KYNU: variants seen among roughly 807,000 people sequenced by gnomAD.
The protein encoded by KYNU is L-kynurenine hydrolase.
Under a neutral mutation model 59.2 loss-of-function variants are expected in KYNU, and 54 were observed. That is an observed-to-expected ratio of 0.91 (90% CI 0.73 to 1.14). KYNU has a LOEUF of 1.14. Among genes scored for constraint, KYNU ranks in the 50% most tolerant of loss-of-function variants. KYNU has a pLI of 0.00. For synonymous variants in KYNU, 177 were observed against 192.0 expected (o/e 0.92, Z 0.65); for missense variants, 567 against 554.4 (o/e 1.02, Z -0.23).
chr2:143,012,071 A>G (rs1558974648), intron 10 of KYNU, among the ~76,000 whole-genome samples: 1 of 151,822 alleles, frequency 6.6e-6, no homozygotes, highest in Non-Finnish European at 1.5e-5. Context: ...AATAAAAAAA[A>G]AAAAAAAGAA....
chr2:143,035,923 C>G (rs1686881848), intron 12 of KYNU, among the ~76,000 whole-genome samples: 1 of 152,122 alleles, frequency 6.6e-6, no homozygotes, highest in Non-Finnish European at 1.5e-5. Flanking sequence ...CAAGAGTGCA[C>G]CACCATGCCC....
rs758488765 is a variant in KYNU, at chr2:143,040,572, G to T, written c.1186G>T (p.Val396Leu). 5.0e-6 allele frequency: 8 copies of T among 1,612,900 alleles called. No individual in the cohort carries two copies. Among genetic ancestry groups the T allele is most frequent in the Middle Eastern group, 1.6e-4 (1 of 6,080 alleles). The change falls in exon 13 of 14, where the codon GTA (valine) becomes TTA (leucine). Residue 396 changes from valine to leucine, a missense_variant. By Grantham distance (32) the Val-to-Leu change is conservative. Transcript: ENST00000264170. ...TGTGAACATAATTACTCCGTCTCATGTAGAGGAGCGGGGGTGCCAGCTAAC... is the reference window on the plus strand; with the variant it reads ...TGTGAACATAATTACTCCGTCTCATTTAGAGGAGCGGGGGTGCCAGCTAAC... The part of the protein sequence containing the change: ...PVVNIITPSH[V>L]EERGCQLTIT...
At chr2:142,955,305 G>T (rs1275122011) in intron 5 of KYNU, among the ~76,000 whole-genome samples, 2 of 151,982 alleles carry the variant, frequency 1.3e-5, no homozygotes, top group African/African-American at 4.8e-5. Flanking sequence ...TTAAAAAGAG[G>T]TCTAGTACCT....
intron 3 of KYNU, 115 bp downstream of exon 3, chr2:142,918,844 T>C: frequency 1.6e-6 from 2 of 1,214,734 alleles, no homozygotes; most frequent in South Asian, 1.3e-5. Context: ...CAGTCATCCC[T>C]TGGCATCTGT....
chr2:142,919,198 T>C (rs1259379044), intron 3 of KYNU, among the ~76,000 whole-genome samples: 1 of 152,226 alleles, frequency 6.6e-6, no homozygotes, highest in East Asian at 1.9e-4. Context: ...CTCATTTGAT[T>C]GATGAAATAA....
intron 1 of KYNU, among the ~76,000 whole-genome samples, 164 bp downstream of exon 1, chr2:142,877,900 A>G (rs1681151937): frequency 6.6e-6 from 1 of 152,158 alleles, no homozygotes. Context: ...TAAAAATGGT[A>G]TGACCTTCCT....
chr2:142,937,617 T>C (rs1450303233), intron 4 of KYNU, among the ~76,000 whole-genome samples: 3 of 152,134 alleles, frequency 2.0e-5, no homozygotes, highest in Non-Finnish European at 4.4e-5. Context: ...GGTTGGAAGA[T>C]TTGTGGACAG....
chr2:142,969,259 A>C (rs1402291426), intron 8 of KYNU, among the ~76,000 whole-genome samples: 1 of 152,198 alleles, frequency 6.6e-6, no homozygotes, highest in Non-Finnish European at 1.5e-5. Flanking sequence ...TATACTTGAC[A>C]CATTTTCAGG....
chr2:142,881,769 G>A (rs910554877), intron 1 of KYNU, among the ~76,000 whole-genome samples: 2 of 151,842 alleles, frequency 1.3e-5, no homozygotes, highest in Admixed American at 6.6e-5. Flanking sequence ...TTTTTAAACA[G>A]TCATGCTCTG....
Position 143,030,359 on chromosome 2 carries a change from C to A in KYNU, c.955+680C>A, listed in dbSNP as rs540002675. Among the ~76,000 whole-genome samples, 6 of 152,330 alleles carry A rather than the reference C, an allele frequency of 3.9e-5. No individual in the cohort carries two copies. The South Asian group carries it at 1.2e-3, about 32-fold the overall frequency. On this transcript the variant is annotated intron_variant, in intron 11 of 13. Coordinates refer to ENST00000264170, the MANE Select transcript of KYNU (RefSeq NM_003937.3). Reference sequence around the variant, plus strand: ...CCTTTTCCTGCATGACCTCATTTCTCAATCACATGGGATGCAGAAAGATCA... The same window carrying A: ...CCTTTTCCTGCATGACCTCATTTCTAAATCACATGGGATGCAGAAAGATCA...
chr2:143,004,694 C>G (rs1685815659), intron 10 of KYNU, among the ~76,000 whole-genome samples: 1 of 152,132 alleles, frequency 6.6e-6, no homozygotes, highest in African/African-American at 2.4e-5. Context: ...GAGCAAGACT[C>G]TGTCTCAAAA....
chr2:143,012,205 G>C (rs1686125437), intron 10 of KYNU, among the ~76,000 whole-genome samples: 2 of 152,322 alleles, frequency 1.3e-5, no homozygotes, highest in South Asian at 4.1e-4. Context: ...CTCTGGACCA[G>C]GCACGATGAC....
chr2:142,979,363 A>G (rs986494997), intron 8 of KYNU, among the ~76,000 whole-genome samples: 2 of 152,142 alleles, frequency 1.3e-5, no homozygotes, highest in African/African-American at 2.4e-5. Context: ...TTGTTCATTC[A>G]TTTATTTTTT....
At chr2:142,970,284 C>T (rs1384574874) in intron 8 of KYNU, among the ~76,000 whole-genome samples, 1 of 152,160 alleles carries the variant, frequency 6.6e-6, no homozygotes, top group Non-Finnish European at 1.5e-5. Context: ...AGATAATCAT[C>T]ATATTGTCTA....
chr2:142,926,216 C>T (rs184442392), intron 3 of KYNU, among the ~76,000 whole-genome samples: 2 of 151,688 alleles, frequency 1.3e-5, no homozygotes, highest in East Asian at 3.9e-4. Context: ...CACCATGGCA[C>T]ATGTATACTT....
intron 2 of KYNU, among the ~76,000 whole-genome samples, chr2:142,894,653 A>AC (rs1481519260): frequency 6.6e-6 from 1 of 152,194 alleles, no homozygotes; most frequent in African/African-American, 2.4e-5. Flanking sequence ...GTGGCATGTG[A>AC]ATGCCACAAC....
chr2:143,013,248 A>G (rs1168437792), intron 10 of KYNU, among the ~76,000 whole-genome samples: 2 of 151,238 alleles, frequency 1.3e-5, no homozygotes, highest in Admixed American at 1.3e-4. Context: ...GGGCTAAATA[A>G]TATTTCTCTC....
chr2:142,910,582 G>A (rs929344633), intron 2 of KYNU, among the ~76,000 whole-genome samples: 1 of 151,978 alleles, frequency 6.6e-6, no homozygotes, highest in African/African-American at 2.4e-5. Context: ...GTTTAATTAG[G>A]TCCCACTTGT....
chr2:143,040,659 G>T lies in KYNU; in HGVS notation c.1272+1G>T, dbSNP rs1558989048. The T allele has an allele frequency of 5.0e-6, 8 of 1,587,728 alleles. No individual in the cohort carries two copies. In the East Asian group the frequency reaches 1.1e-4, roughly 22 times the overall value. Reference sequence around the variant, plus strand: ...AGAACTAGAAAAAAGAGGAGTGGTTGTAAGTATGTCTTGCTTTGCTACCAG... The same window carrying T: ...AGAACTAGAAAAAAGAGGAGTGGTTTTAAGTATGTCTTGCTTTGCTACCAG... On this transcript the variant is annotated splice_donor_variant, in intron 13 of 13. Coordinates refer to ENST00000264170, the MANE Select transcript of KYNU (RefSeq NM_003937.3). LOFTEE classifies it high-confidence loss of function.
Sources: gnomAD v4.1 joint callset for allele counts (sites outside exome capture counted in the v4.1 genomes callset) on GRCh38, gnomAD v4.1.1 for gene constraint, MANE v1.5 for transcripts, NCBI Gene and HGNC (gene_info 2026-07-23, HGNC 2026-07-21) for gene names.